GABRP: variants seen among roughly 807,000 people sequenced by gnomAD.
GABRP encodes the protein gamma-aminobutyric acid type A receptor subunit pi, also known as gamma-aminobutyric acid receptor subunit pi.
GABRP carries 52 observed loss-of-function variants against 47.8 expected under a neutral mutation model. The ratio of observed to expected loss-of-function variants is 1.09; its 90% CI spans 0.87 to 1.37. GABRP has a LOEUF of 1.37. Ranked by LOEUF, GABRP falls within the 40% of genes most tolerant of loss-of-function variation. The pLI is 0.00. For synonymous variants in GABRP, 221 were observed against 205.8 expected (o/e 1.07, Z -0.63); for missense variants, 525 against 542.8 (o/e 0.97, Z 0.33).
At chr5:170,789,015 A>G in intron 2 of GABRP, 114 bp from the exon 3 acceptor site, 1 of 775,020 alleles carries the variant, frequency 1.3e-6, no homozygotes, top group East Asian at 2.5e-5. Flanking sequence ...CTGCTGGTAC[A>G]TGGGCAAGGC....
At position 170,811,995 on chromosome 5, in the gene GABRP, A is replaced by G. The variant is rs746301198; in HGVS notation, c.1060A>G (p.Ile354Val). Reference protein sequence around the residue: ...KEVEEVSITNIINSSISSFKR... With the variant: ...KEVEEVSITNVINSSISSFKR... ...AGTAGAAGAAGTCAGTATTACTAATATCATCAACAGCTCCATCTCCAGCTT... is the reference window on the plus strand; with the variant it reads ...AGTAGAAGAAGTCAGTATTACTAATGTCATCAACAGCTCCATCTCCAGCTT... Residue 354 changes from isoleucine (I) to valine (V), a missense_variant, in exon 10 of 10, where the codon ATC becomes GTC. Physicochemically the swap from Ile to Val is conservative, Grantham distance 29 (BLOSUM62 3). Coordinates refer to ENST00000265294, the MANE Select transcript of GABRP (RefSeq NM_014211.3). The G allele has an allele frequency of 1.9e-6, 3 of 1,614,204 alleles. No individual in the cohort carries two copies. In the South Asian group the frequency reaches 3.3e-5, roughly 18 times the overall value.
Position 170,812,326 on chromosome 5 carries a change from T to C in GABRP, c.*68T>C. The C allele has an allele frequency of 7.7e-7, 1 of 1,297,696 alleles. No homozygotes were observed. The highest frequency in any genetic ancestry group is 1.1e-6 in the Non-Finnish European group (1 of 923,484). The allele number at this position is 1,297,696 out of a possible 1,614,324, so 80.4% of individuals were successfully genotyped here. On this transcript the variant is annotated 3_prime_UTR_variant, in exon 10 of 10. Coordinates refer to ENST00000265294, the MANE Select transcript of GABRP (RefSeq NM_014211.3). ...CAAGATAATGATGTAAATGGTATTT[T>C]AGGCCAAGTGTGCACCCACATCCAA... is the stretch of plus-strand genomic sequence containing the variant.
rs182231313 is a variant in GABRP at position 170,799,642 on chromosome 5, C to T, written c.541+2094C>T. On this transcript the variant is annotated intron_variant, in intron 6 of 9. Transcript: ENST00000265294. ...TTGATGGGGTTGTTTGTTTTTTTCT[C>T]GTAAATTTGTTCAAGTTCTTTGTAG... 5.6e-3 allele frequency among the ~76,000 whole-genome samples: 850 copies of T among 152,102 alleles called. 5 individuals are homozygous for T. Among genetic ancestry groups the T allele is most frequent in the Non-Finnish European group, 8.7e-3 (594 of 67,988 alleles).
intron 1 of GABRP, among the ~76,000 whole-genome samples, chr5:170,785,806 C>A (rs1405386003): frequency 6.6e-6 from 1 of 152,180 alleles, no homozygotes; most frequent in East Asian, 1.9e-4. Context: ...AGGAGAAAGA[C>A]ACAGACAGCC....
chr5:170,806,514 C>A (rs967779733), intron 7 of GABRP, among the ~76,000 whole-genome samples: 2 of 152,238 alleles, frequency 1.3e-5, no homozygotes, highest in Non-Finnish European at 2.9e-5. Flanking sequence ...ACGATCTCAG[C>A]TCACTGCAAC....
chr5:170,798,872 G>A (rs1479628560), intron 6 of GABRP, among the ~76,000 whole-genome samples: 2 of 151,792 alleles, frequency 1.3e-5, no homozygotes, highest in African/African-American at 2.4e-5. Context: ...ATGTATACAT[G>A]TGCCGTGTTG....
intron 4 of GABRP, among the ~76,000 whole-genome samples, chr5:170,794,595 C>T (rs544268512): frequency 1.3e-5 from 2 of 152,152 alleles, no homozygotes; most frequent in Non-Finnish European, 2.9e-5. Flanking sequence ...GAAGTGGGTA[C>T]ACTTGGTGAT....
chr5:170,805,018 TATA>T lies in GABRP; in HGVS notation c.542-694_542-692del, dbSNP rs1396480750. On this transcript the variant is annotated intron_variant, in intron 6 of 9. Coordinates refer to ENST00000265294, the MANE Select transcript of GABRP (RefSeq NM_014211.3). ...TATATATTATATATATTATATATAT[TATA>T]ATATTTATATATTATATAGATATAA... Among the ~76,000 whole-genome samples, 673 of 147,240 alleles carry T rather than the reference TATA, an allele frequency of 4.6e-3. 5 individuals are homozygous for T. The highest frequency in any genetic ancestry group is 0.016 in the African/African-American group (651 of 40,674).
chr5:170,790,331 C>A (rs138970638), intron 3 of GABRP, among the ~76,000 whole-genome samples: 1 of 152,244 alleles, frequency 6.6e-6, no homozygotes, highest in African/African-American at 2.4e-5. Context: ...ATGGGGACAT[C>A]CATCTATCTC....
chr5:170,782,968 T>C (rs1765045279), upstream of GABRP: 1 of 152,242 alleles, frequency 6.6e-6, no homozygotes, highest in Non-Finnish European at 1.5e-5. Context: ...CAGAGCTCAG[T>C]GAGCACTGTC....
intron 6 of GABRP, among the ~76,000 whole-genome samples, chr5:170,801,627 C>A (rs1448772929): frequency 6.6e-6 from 1 of 152,176 alleles, no homozygotes; most frequent in Non-Finnish European, 1.5e-5. Flanking sequence ...CCACTAAAGT[C>A]TCCAGCCAGT....
chr5:170,786,097 A>T (rs556096982), intron 1 of GABRP, among the ~76,000 whole-genome samples: 48 of 152,214 alleles, frequency 3.2e-4, no homozygotes, highest in African/African-American at 1.2e-3. Flanking sequence ...TCCTCACTAG[A>T]TGGGTGGGTG....
intron 6 of GABRP, among the ~76,000 whole-genome samples, chr5:170,805,474 C>T (rs775990117): frequency 2.6e-5 from 4 of 152,212 alleles, no homozygotes; most frequent in South Asian, 2.1e-4. Flanking sequence ...ACCAGATCTA[C>T]GCAGTACCTA....
At position 170,809,556 on chromosome 5, in the gene GABRP, C is replaced by T. The variant is rs1765826782; in HGVS notation, c.833-12C>T. 1 of 1,613,070 alleles carries T rather than the reference C, an allele frequency of 6.2e-7. No individual in the cohort carries two copies. The highest frequency in any genetic ancestry group is 8.5e-7 in the Non-Finnish European group (1 of 1,179,826). ...GTCACTTTGTAGGAACATCCCCTGC[C>T]TGTTTTCCCAGGAGTGACGACCGTG... On this transcript the variant is annotated splice_polypyrimidine_tract_variant and intron_variant, in intron 8 of 9. Coordinates refer to ENST00000265294, the MANE Select transcript of GABRP (RefSeq NM_014211.3).
intron 3 of GABRP, among the ~76,000 whole-genome samples, chr5:170,791,930 T>G (rs1172382913): frequency 6.6e-6 from 1 of 152,156 alleles, no homozygotes; most frequent in African/African-American, 2.4e-5. Context: ...CTTCTTGCTG[T>G]GTCATCAGAT....
rs1008402595 is a variant in GABRP at position 170,813,438 on chromosome 5, T to A, written c.*1180T>A. On this transcript the variant is annotated 3_prime_UTR_variant, in exon 10 of 10. Coordinates refer to ENST00000265294, the MANE Select transcript of GABRP (RefSeq NM_014211.3). ...TCTGCTATGAGTGGCTTATCCCGCA[T>A]GAGCAGGAGCGTGCTGGCCCTGAGT... is the stretch of plus-strand genomic sequence containing the variant. The A allele has an allele frequency of 6.6e-6, 1 of 152,288 alleles. No homozygotes were observed. The highest frequency in any genetic ancestry group is 1.5e-5 in the Non-Finnish European group (1 of 68,090). The allele number at this position is 152,288 out of a possible 1,614,324, so 9.4% of individuals were successfully genotyped here. A position where few individuals can be genotyped will look rare whatever the true frequency, so the allele number is the denominator to read the frequency against.
Position 170,812,460 on chromosome 5 carries a change from T to C in GABRP, c.*202T>C. On this transcript the variant is annotated 3_prime_UTR_variant, in exon 10 of 10. Transcript: ENST00000265294. Reference sequence around the variant, plus strand: ...GTCCTAGCATTATAGGATCTTGTAATAGAAACATCAGTCCATTCCTCTTTC... The same window carrying C: ...GTCCTAGCATTATAGGATCTTGTAACAGAAACATCAGTCCATTCCTCTTTC... The C allele has an allele frequency of 3.6e-6, 2 of 558,160 alleles. No individual in the cohort carries two copies. The highest frequency in any genetic ancestry group is 2.9e-5 in the East Asian group (1 of 34,012). 34.6% of individuals were successfully genotyped at this position (558,160 alleles called of 1,614,324 possible).
At chr5:170,806,170 T>C (rs746425325) in intron 7 of GABRP, among the ~76,000 whole-genome samples, 12 of 152,122 alleles carry the variant, frequency 7.9e-5, no homozygotes, top group Admixed American at 2.0e-4. Flanking sequence ...TCTCTGACAC[T>C]GAAGAATAAA....
intron 9 of GABRP, among the ~76,000 whole-genome samples, chr5:170,811,278 C>T (rs201089857): frequency 1.3e-5 from 2 of 151,220 alleles, no homozygotes; most frequent in African/African-American, 4.9e-5. Context: ...ACCTAGCAAG[C>T]GGCCTGGTCA....
Sources: allele counts gnomAD v4.1 joint callset (sites outside exome capture counted in the v4.1 genomes callset), GRCh38; gene constraint gnomAD v4.1.1; transcripts MANE v1.5; gene names NCBI Gene and HGNC (gene_info 2026-07-23, HGNC 2026-07-21).